Variants in FGF9 observed in about 807,000 individuals in gnomAD.
FGF9 encodes the protein fibroblast growth factor 9, also known as fibroblast growth factor 9 (glia-activating factor).
In FGF9, 3 loss-of-function variants were observed where a neutral mutation model predicts 19.9. That is an observed-to-expected ratio of 0.15 (90% CI 0.07 to 0.39). FGF9 has a LOEUF of 0.39. Ranked by LOEUF, FGF9 falls within the 10% of genes least tolerant of loss-of-function variation. The pLI, the probability that FGF9 is intolerant of heterozygous loss-of-function variation, is 1.00. For missense variants in FGF9, 175 were observed against 256.8 expected (o/e 0.68, Z 2.18); for synonymous variants, 107 against 106.9 (o/e 1.00, Z -0.01).
At chr13:21,675,015 G>T (rs1258361674) in intron 1 of FGF9, among the ~76,000 whole-genome samples, 1 of 148,280 alleles carries the variant, frequency 6.7e-6, no homozygotes, top group African/African-American at 2.5e-5. Flanking sequence ...CGGGGGATGT[G>T]GGGGCTGGGG....
intron 2 of FGF9, among the ~76,000 whole-genome samples, chr13:21,683,309 A>G (rs1040183875): frequency 6.6e-6 from 1 of 152,152 alleles, no homozygotes; most frequent in Non-Finnish European, 1.5e-5. Context: ...TGCCTGGCAC[A>G]CCCCAGTTCC....
intron 1 of FGF9, among the ~76,000 whole-genome samples, chr13:21,673,322 T>C (rs1338180478): frequency 5.9e-5 from 9 of 152,154 alleles, no homozygotes; most frequent in Admixed American, 5.9e-4. Flanking sequence ...CTAAACTGTA[T>C]GTTTAGCTTC....
At chr13:21,697,718 G>T (rs1872441016) in intron 2 of FGF9, among the ~76,000 whole-genome samples, 1 of 151,858 alleles carries the variant, frequency 6.6e-6, no homozygotes, top group Non-Finnish European at 1.5e-5. Flanking sequence ...TTTTGTTCAC[G>T]ATTGCTATTT....
intron 2 of FGF9, among the ~76,000 whole-genome samples, chr13:21,682,119 C>T (rs566455672): frequency 8.6e-5 from 13 of 151,854 alleles, no homozygotes; most frequent in African/African-American, 2.9e-4. Context: ...GAAGATCCTC[C>T]TGCCTCAGCC....
chr13:21,681,610 G>A (rs1184832759), intron 2 of FGF9, among the ~76,000 whole-genome samples: 2 of 152,216 alleles, frequency 1.3e-5, no homozygotes, highest in Non-Finnish European at 2.9e-5. Context: ...ATTTTTGTAC[G>A]TGAATAAGAA....
Position 21,701,739 on chromosome 13 carries a change from G to GTA in FGF9, c.*306_*307dup, listed in dbSNP as rs1491368543. On this transcript the variant is annotated 3_prime_UTR_variant, in exon 3 of 3. Transcript: ENST00000382353. ...TGTGTGTGTGTGTGTGTGTGTGTGT[G>GTA]TATGTGTGTAGCGGGAGATGTGGGC... The GTA allele has an allele frequency of 6.1e-6, 2 of 328,014 alleles. No individual in the cohort carries two copies. Among genetic ancestry groups the GTA allele is most frequent in the Non-Finnish European group, 1.2e-5 (2 of 171,442 alleles). 20.3% of individuals were successfully genotyped at this position (328,014 alleles called of 1,614,324 possible).
intron 1 of FGF9, among the ~76,000 whole-genome samples, chr13:21,675,336 G>C (rs1169743442): frequency 1.3e-5 from 2 of 152,080 alleles, no homozygotes; most frequent in African/African-American, 4.8e-5. Context: ...TCCCGCTGCT[G>C]CCGCTGCGGC....
intron 2 of FGF9, among the ~76,000 whole-genome samples, chr13:21,689,855 G>A (rs1473801228): frequency 6.6e-6 from 1 of 152,144 alleles, no homozygotes; most frequent in Non-Finnish European, 1.5e-5. Context: ...GGTGACAGTG[G>A]CTTCAGGGAC....
At chr13:21,685,066 T>G (rs1341939698) in intron 2 of FGF9, among the ~76,000 whole-genome samples, 1 of 152,234 alleles carries the variant, frequency 6.6e-6, no homozygotes, top group African/African-American at 2.4e-5. Flanking sequence ...TATCTCATTT[T>G]CATTGTGATG....
chr13:21,672,288 T>G lies in FGF9; in HGVS notation c.277+99T>G. 8.2e-7 allele frequency: 1 copy of G among 1,217,664 alleles called. No individual in the cohort carries two copies. The highest frequency in any genetic ancestry group is 1.2e-6 in the Non-Finnish European group (1 of 827,336). 75.4% of individuals were successfully genotyped at this position (1,217,664 alleles called of 1,614,324 possible). On this transcript the variant is annotated intron_variant, in intron 1 of 2. Transcript: ENST00000382353. The surrounding 1 kb of genome is among the most constrained non-coding windows in gnomAD (Gnocchi z 4.2). ...CGGGTGGGGGACGTGGGAAGGGTTC[T>G]CCCCTCCTCCCCTCTTTCTCTGTAT...
rs552870094 is a variant in FGF9, at chr13:21,687,206, C to T, written c.381+6061C>T. Among the ~76,000 whole-genome samples the T allele has an allele frequency of 1.1e-4, 17 of 152,238 alleles. No individual in the cohort carries two copies. In the South Asian group the frequency reaches 3.5e-3, roughly 32 times the overall value. On this transcript the variant is annotated intron_variant, in intron 2 of 2. Coordinates refer to ENST00000382353, the MANE Select transcript of FGF9 (RefSeq NM_002010.3). ...TTCTGCTGGGCAGACACACATGAGT[C>T]AAAGAAGTTTCTTGCATGGTGTTCC...
intron 2 of FGF9, among the ~76,000 whole-genome samples, chr13:21,698,503 G>A (rs1872467100): frequency 1.3e-5 from 2 of 152,204 alleles, no homozygotes; most frequent in Admixed American, 6.5e-5. Flanking sequence ...CTGAGACTTG[G>A]AGAGGTGAGA....
Position 21,685,862 on chromosome 13 carries a change from C to T in FGF9, c.381+4717C>T, listed in dbSNP as rs17070318. 3.8e-3 allele frequency among the ~76,000 whole-genome samples: 577 copies of T among 152,220 alleles called. 1 individual carries two copies. Among genetic ancestry groups the T allele is most frequent in the Non-Finnish European group, 5.7e-3 (390 of 68,014 alleles). On this transcript the variant is annotated intron_variant, in intron 2 of 2. Coordinates refer to ENST00000382353, the MANE Select transcript of FGF9 (RefSeq NM_002010.3). ...AAGGAAGGGCAGGCAGGTTAGGTCA[C>T]GTGACCCTTCAAATGTCACAATTAA...
At chr13:21,697,963 T>A (rs1298647636) in intron 2 of FGF9, among the ~76,000 whole-genome samples, 1 of 151,964 alleles carries the variant, frequency 6.6e-6, no homozygotes, top group Non-Finnish European at 1.5e-5. Flanking sequence ...GCCCACCACC[T>A]CGCCTGGCTA....
chr13:21,677,343 C>T (rs1871942195), intron 1 of FGF9, among the ~76,000 whole-genome samples: 1 of 152,196 alleles, frequency 6.6e-6, no homozygotes, highest in Admixed American at 6.5e-5. Context: ...TTTGCTCTTT[C>T]CTTCTTTCCC....
At chr13:21,696,333 A>G (rs7337457) in intron 2 of FGF9, among the ~76,000 whole-genome samples, 120,578 of 151,804 alleles carry the variant, frequency 0.79, 48,470 homozygotes, top group East Asian at 0.96. Context: ...AACATTCACC[A>G]GATTTTGTTC....
chr13:21,698,626 CT>C (rs912044620), intron 2 of FGF9, among the ~76,000 whole-genome samples: 16 of 152,226 alleles, frequency 1.1e-4, no homozygotes, highest in African/African-American at 3.1e-4. Context: ...TCTGCTGGGA[CT>C]TTTGTGTATC....
In FGF9 at chr13:21,701,739, GTA is replaced by G. The variant is rs1491368543; in HGVS notation, c.*306_*307del. On this transcript the variant is annotated 3_prime_UTR_variant, in exon 3 of 3. Coordinates refer to ENST00000382353, the MANE Select transcript of FGF9 (RefSeq NM_002010.3). ...TGTGTGTGTGTGTGTGTGTGTGTGTGTATGTGTGTAGCGGGAGATGTGGGCGG... is the reference window on the plus strand; with the variant it reads ...TGTGTGTGTGTGTGTGTGTGTGTGTGTGTGTGTAGCGGGAGATGTGGGCGG... 36 of 328,002 alleles carry G rather than the reference GTA, an allele frequency of 1.1e-4. No individual in the cohort carries two copies. The highest frequency in any genetic ancestry group is 4.4e-4 in the African/African-American group (21 of 47,464). The allele number at this position is 328,002 out of a possible 1,614,324, so 20.3% of individuals were successfully genotyped here. A position where few individuals can be genotyped will look rare whatever the true frequency, so the allele number is the denominator to read the frequency against.
chr13:21,702,808 G>A lies in FGF9; in HGVS notation c.*1373G>A, dbSNP rs1453384327. The A allele has an allele frequency of 6.6e-6, 1 of 152,176 alleles. No individual in the cohort carries two copies. The highest frequency in any genetic ancestry group is 1.5e-5 in the Non-Finnish European group (1 of 68,020). 9.4% of individuals were successfully genotyped at this position (152,176 alleles called of 1,614,324 possible). A position where few individuals can be genotyped will look rare whatever the true frequency, so the allele number is the denominator to read the frequency against. ...GGTAATAGCACCCTTAGTAAAACTT[G>A]CAAAATGAAACTAATAAATCGTTAT... On this transcript the variant is annotated 3_prime_UTR_variant, in exon 3 of 3. Coordinates refer to ENST00000382353, the MANE Select transcript of FGF9 (RefSeq NM_002010.3).
Sources: allele counts gnomAD v4.1 joint callset (sites outside exome capture counted in the v4.1 genomes callset), GRCh38; gene constraint gnomAD v4.1.1; non-coding constraint Gnocchi (gnomAD v3.1); transcripts MANE v1.5; gene names NCBI Gene and HGNC (gene_info 2026-07-23, HGNC 2026-07-21).